ZRANB3: variants seen among roughly 807,000 people sequenced by gnomAD.
ZRANB3 encodes DNA annealing helicase and endonuclease ZRANB3.
In ZRANB3, 125 loss-of-function variants were observed where a neutral mutation model predicts 133.8. The observed-to-expected ratio is 0.93, with a 90% confidence interval of 0.81 to 1.08. The LOEUF (loss-of-function observed/expected upper bound fraction) is 1.08. Among genes scored for constraint, ZRANB3 ranks in the 50% least tolerant of loss-of-function variants. The probability of loss-of-function intolerance (pLI) is 0.00; values close to 1 mark genes in which losing one functional copy is unlikely to be tolerated. For synonymous variants in ZRANB3, 387 were observed against 432.7 expected (o/e 0.89, Z 1.31); for missense variants, 1,229 against 1,275.5 (o/e 0.96, Z 0.56).
chr2:135,328,529 G>C (rs1683962229), intron 6 of ZRANB3, among the ~76,000 whole-genome samples: 1 of 152,028 alleles, frequency 6.6e-6, no homozygotes, highest in Non-Finnish European at 1.5e-5. Context: ...AGATACGTGT[G>C]CATGTGTCTT....
At chr2:135,237,793 G>A (rs922096713) in intron 12 of ZRANB3, among the ~76,000 whole-genome samples, 1 of 152,034 alleles carries the variant, frequency 6.6e-6, no homozygotes, top group Admixed American at 6.6e-5. Context: ...GCCTGTTGTG[G>A]GGTGGGGGAA....
At chr2:135,266,119 G>T (rs1430124421) in intron 11 of ZRANB3, among the ~76,000 whole-genome samples, 2 of 152,138 alleles carry the variant, frequency 1.3e-5, no homozygotes, top group African/African-American at 4.8e-5. Flanking sequence ...TAAGGCAGAA[G>T]AATCCCTTGA....
chr2:135,413,883 A>G (rs952162938), intron 2 of ZRANB3, among the ~76,000 whole-genome samples: 5 of 152,170 alleles, frequency 3.3e-5, no homozygotes, highest in Non-Finnish European at 7.3e-5. Context: ...GAGAAATAAA[A>G]TACTTTACAG....
chr2:135,368,219 T>C (rs1208921162), intron 3 of ZRANB3, among the ~76,000 whole-genome samples: 1 of 151,934 alleles, frequency 6.6e-6, no homozygotes, highest in South Asian at 2.1e-4. Flanking sequence ...CAATACATAA[T>C]GAACTTCAGA....
intron 2 of ZRANB3, among the ~76,000 whole-genome samples, chr2:135,476,782 C>T (rs1691519362): frequency 6.6e-6 from 1 of 151,020 alleles, no homozygotes; most frequent in South Asian, 2.1e-4. Flanking sequence ...TGGCTCACTA[C>T]AGCCTTGACC....
At chr2:135,492,669 G>C (rs963370075) in intron 2 of ZRANB3, among the ~76,000 whole-genome samples, 1 of 152,088 alleles carries the variant, frequency 6.6e-6, no homozygotes, top group Non-Finnish European at 1.5e-5. Context: ...AATTTACAAA[G>C]AGAAAGTCAA....
At chr2:135,325,276 TAACAA>T (rs1316145466) in intron 6 of ZRANB3, among the ~76,000 whole-genome samples, 1 of 152,188 alleles carries the variant, frequency 6.6e-6, no homozygotes, top group African/African-American at 2.4e-5. Flanking sequence ...TGTAAGTTGC[TAACAA>T]AACAACTTAT....
chr2:135,307,367 G>C (rs1431911418), intron 8 of ZRANB3, among the ~76,000 whole-genome samples: 1 of 152,180 alleles, frequency 6.6e-6, no homozygotes, highest in African/African-American at 2.4e-5. Context: ...CACCCGGCCA[G>C]ATTTTTTATG....
rs1284162010 is a variant in ZRANB3, at chr2:135,207,421, G to T, written c.3009+13C>A. 3.8e-6 allele frequency: 6 copies of T among 1,588,854 alleles called. No homozygotes were observed. The highest frequency in any genetic ancestry group is 5.1e-6 in the Non-Finnish European group (6 of 1,167,496). On this transcript the variant is annotated intron_variant, in intron 19 of 20. Transcript: ENST00000264159. ...CAATGCTGCCTTCTATCTATCACAT[G>T]ATTATAACTTACCTGTTCTAATGGG...
intron 12 of ZRANB3, among the ~76,000 whole-genome samples, chr2:135,258,807 A>T (rs1679791380): frequency 6.6e-6 from 1 of 152,178 alleles, no homozygotes; most frequent in Non-Finnish European, 1.5e-5. Context: ...GAAAGAAGAG[A>T]TTTTGGACAA....
At chr2:135,520,718 GGGCT>G (rs1693899465) in intron 1 of ZRANB3, among the ~76,000 whole-genome samples, 1 of 152,002 alleles carries the variant, frequency 6.6e-6, no homozygotes. Flanking sequence ...CCGAGGAGCT[GGGCT>G]TACAGGTGCC....
chr2:135,388,144 G>A (rs923616861), intron 3 of ZRANB3, among the ~76,000 whole-genome samples: 1 of 152,206 alleles, frequency 6.6e-6, no homozygotes, highest in African/African-American at 2.4e-5. Flanking sequence ...ACTGCAGCAT[G>A]CAAGAGAGCG....
chr2:135,275,711 A>C lies in ZRANB3; in HGVS notation c.1011T>G (p.Asp337Glu), dbSNP rs1399068913. ...GAGCAAAAACCAGAAATTTAAGCGA[A>C]TCATTCTGAAGCATCATCTTAATAT... Reference protein sequence around the residue: ...KDYIKMMLQNDSLKFLVFAHH... With the variant: ...KDYIKMMLQNESLKFLVFAHH... Residue 337 changes from aspartate to glutamate, a missense_variant, in exon 9 of 21, where the codon GAT becomes GAG. Coordinates refer to ENST00000264159, the MANE Select transcript of ZRANB3 (RefSeq NM_032143.4). 2 of 1,605,750 alleles carry C rather than the reference A, an allele frequency of 1.2e-6. No individual in the cohort carries two copies. Among genetic ancestry groups the C allele is most frequent in the South Asian group, 2.2e-5 (2 of 89,416 alleles).
chr2:135,242,281 A>T (rs538747401), intron 12 of ZRANB3, among the ~76,000 whole-genome samples: 1 of 152,164 alleles, frequency 6.6e-6, no homozygotes, highest in Admixed American at 6.5e-5. Context: ...ACATAGAGGT[A>T]GTTCAATAAA....
chr2:135,344,131 T>C (rs1448995118), intron 6 of ZRANB3, among the ~76,000 whole-genome samples: 1 of 152,240 alleles, frequency 6.6e-6, no homozygotes, highest in Admixed American at 6.5e-5. Context: ...AAATATTAGT[T>C]AATATAAGTC....
Position 135,230,560 on chromosome 2 carries a change from G to A in ZRANB3, c.1907C>T (p.Ser636Leu). 6.4e-7 allele frequency: 1 copy of A among 1,572,552 alleles called. No individual in the cohort carries two copies. Among genetic ancestry groups the A allele is most frequent in the South Asian group, 1.2e-5 (1 of 81,632 alleles). ...QCSLCTYINNSELPYCEMCET... is the reference protein window; with the variant it reads ...QCSLCTYINNLELPYCEMCET... ...ACACATTTCACAATAAGGTAACTCT[G>A]AATTATTGATATAGGTGCAGAGACT... Residue 636 changes from serine (S) to leucine (L), a missense_variant, in exon 13 of 21, where the codon TCA becomes TTA. Transcript: ENST00000264159.
intron 8 of ZRANB3, among the ~76,000 whole-genome samples, chr2:135,308,551 G>T (rs1682809240): frequency 1.3e-5 from 2 of 152,098 alleles, no homozygotes; most frequent in African/African-American, 4.8e-5. Context: ...CTTTTATTGT[G>T]ATCTTTTTTC....
intron 8 of ZRANB3, among the ~76,000 whole-genome samples, chr2:135,287,392 T>C (rs1252523794): frequency 6.6e-6 from 1 of 152,226 alleles, no homozygotes; most frequent in East Asian, 1.9e-4. Context: ...AGTCTTGCTT[T>C]GGCTATGATG....
intron 16 of ZRANB3, 135 bp from the exon 17 acceptor site, chr2:135,217,742 A>C: frequency 9.5e-7 from 1 of 1,048,894 alleles, no homozygotes; most frequent in South Asian, 1.8e-5. Flanking sequence ...CCATAACCTA[A>C]GGCTTTCTTC....
Sources: gnomAD v4.1 joint callset for allele counts (sites outside exome capture counted in the v4.1 genomes callset) on GRCh38, gnomAD v4.1.1 for gene constraint, MANE v1.5 for transcripts, NCBI Gene and HGNC (gene_info 2026-07-23, HGNC 2026-07-21) for gene names.